The following TNFRSF14 variants were observed in gnomAD, a reference collection of about 807,000 sequenced individuals.
TNFRSF14 encodes tumor necrosis factor receptor superfamily member 14.
Under a neutral mutation model 34.1 loss-of-function variants are expected in TNFRSF14, and 18 were observed. The ratio of observed to expected loss-of-function variants is 0.53; its 90% CI spans 0.36 to 0.78. The LOEUF is 0.78. Among genes scored for constraint, TNFRSF14 ranks in the 30% least tolerant of loss-of-function variants. The pLI is 0.00. For synonymous variants in TNFRSF14, 157 were observed against 153.2 expected, an observed-to-expected ratio of 1.02 and a Z score of -0.18; for missense variants, 352 against 379.5, an observed-to-expected ratio of 0.93 and a Z score of 0.60.
upstream of TNFRSF14, chr1:2,554,803 T>C (rs1275037413): frequency 6.6e-6 from 1 of 152,212 alleles, no homozygotes; most frequent in Non-Finnish European, 1.5e-5. The surrounding 1 kb of genome is among the most constrained non-coding windows in gnomAD (Gnocchi z 4.2). Flanking sequence ...CTGGAGGACG[T>C]ATCTGAGAGA....
chr1:2,557,773 G>T lies in TNFRSF14; in HGVS notation c.117G>T (p.Leu39=). 1 of 1,611,878 alleles carries T rather than the reference G, an allele frequency of 6.2e-7. No homozygotes were observed. The change falls in exon 2 of 8, where the codon CTG becomes CTT. Residue 39 remains leucine (L), a synonymous_variant. Coordinates refer to ENST00000355716, the MANE Select transcript of TNFRSF14 (RefSeq NM_003820.4). ...FLGAPCYAPA[L]PSCKEDEYPV... is the part of the protein sequence containing the mutation. ...GAGCCCCCTGCTACGCCCCAGCTCT[G>T]CCGTCCTGCAAGGAGGACGAGTACC... is the stretch of plus-strand genomic sequence containing the variant.
rs1330914738 is a variant in TNFRSF14, at chr1:2,557,734, T to C, written c.78T>C (p.Tyr26=). Residue 26 remains tyrosine, a synonymous_variant, in exon 2 of 8, where the codon TAT becomes TAC. Coordinates refer to ENST00000355716, the MANE Select transcript of TNFRSF14 (RefSeq NM_003820.4). ...PKTDVLRLVL[Y]LTFLGAPCYA... ...TGTCCTGACCCCCTTAGGTGCTGTA[T>C]CTCACCTTCCTGGGAGCCCCCTGCT... 3 of 1,607,866 alleles carry C rather than the reference T, an allele frequency of 1.9e-6. No individual in the cohort carries two copies. Among genetic ancestry groups the C allele is most frequent in the Admixed American group, 1.7e-5 (1 of 59,318 alleles).
chr1:2,561,414 C>T lies in TNFRSF14; in HGVS notation c.552-259C>T. The stretch of plus-strand genomic sequence containing the variant: ...TGGCTGCCTCCCGCTTCTCTCCCCT[C>T]TCCCTCTGCCGTCCTGTCTCCTTTG... On this transcript the variant is annotated intron_variant, in intron 5 of 7. Transcript: ENST00000355716. This position sits in a 1 kb window ranked among gnomAD's most constrained non-coding sequence, Gnocchi z 6.0. The T allele has an allele frequency of 2.9e-6, 4 of 1,385,640 alleles. No homozygotes were observed. The highest frequency in any genetic ancestry group is 2.9e-6 in the Non-Finnish European group (3 of 1,035,138). 85.8% of individuals were successfully genotyped at this position (1,385,640 alleles called of 1,614,324 possible).
intron 4 of TNFRSF14, 24 bp from the exon 5 acceptor site, chr1:2,560,600 C>T (rs1557479855): frequency 6.2e-7 from 1 of 1,603,148 alleles, no homozygotes; most frequent in African/African-American, 1.3e-5. Flanking sequence ...CCTCAGCCCC[C>T]TCTGTCCGTC....
chr1:2,558,478 C>T lies in TNFRSF14; in HGVS notation c.304+10C>T, dbSNP rs1481683595. On this transcript the variant is annotated intron_variant, in intron 3 of 7. Coordinates refer to ENST00000355716, the MANE Select transcript of TNFRSF14 (RefSeq NM_003820.4). ...CAAATGTGTGACCCAGGTAAGAGGC[C>T]AGCACAGCCGGCCCAGCCTCCGCTT... is the stretch of plus-strand genomic sequence containing the variant. 6 of 1,612,442 alleles carry T rather than the reference C, an allele frequency of 3.7e-6. No individual in the cohort carries two copies. The highest frequency in any genetic ancestry group is 2.7e-5 in the African/African-American group (2 of 74,878).
intron 3 of TNFRSF14, chr1:2,559,064 GTGC>G: frequency 4.4e-6 from 6 of 1,369,460 alleles, no homozygotes; most frequent in Non-Finnish European, 4.8e-6. Flanking sequence ...AGCATGGCCA[GTGC>G]TCCCTGCGGC....
intron 2 of TNFRSF14, among the ~76,000 whole-genome samples, 180 bp downstream of exon 2, chr1:2,558,014 C>T (rs1644244259): frequency 6.6e-6 from 1 of 152,180 alleles, no homozygotes; most frequent in Admixed American, 6.5e-5. Context: ...ACTCTTCACC[C>T]TGGGGGACCC....
intron 2 of TNFRSF14, 35 bp from the exon 3 acceptor site, chr1:2,558,308 G>A (rs370159302): frequency 7.6e-6 from 12 of 1,579,218 alleles, no homozygotes; most frequent in South Asian, 2.3e-5. Flanking sequence ...GGGGCCTCCC[G>A]CAGACTTGCG....
At chr1:2,562,010 A>G (rs977267085) in intron 6 of TNFRSF14, 195 bp downstream of exon 6, 6 of 648,254 alleles carry the variant, frequency 9.3e-6, no homozygotes, top group African/African-American at 1.8e-5. Context: ...TCCCTGGGGG[A>G]AGGGAAGGTG....
chr1:2,561,452 T>C lies in TNFRSF14; in HGVS notation c.552-221T>C. 1 of 1,481,498 alleles carries C rather than the reference T, an allele frequency of 6.7e-7. No homozygotes were observed. The highest frequency in any genetic ancestry group is 9.0e-7 in the Non-Finnish European group (1 of 1,110,620). 91.8% of individuals were successfully genotyped at this position (1,481,498 alleles called of 1,614,324 possible). On this transcript the variant is annotated intron_variant, in intron 5 of 7. Coordinates refer to ENST00000355716, the MANE Select transcript of TNFRSF14 (RefSeq NM_003820.4). This position sits in a 1 kb window ranked among gnomAD's most constrained non-coding sequence, Gnocchi z 6.0. ...CCTGTCTCCTTTGCCCAGTCTCTCC[T>C]TGTTTCTCTTCTCCTCCTTCCTTCT...
chr1:2,561,654 C>T lies in TNFRSF14; in HGVS notation c.552-19C>T. 2 of 1,612,454 alleles carry T rather than the reference C, an allele frequency of 1.2e-6. No individual in the cohort carries two copies. The highest frequency in any genetic ancestry group is 2.2e-5 in the East Asian group (1 of 44,862). On this transcript the variant is annotated intron_variant, in intron 5 of 7. Coordinates refer to ENST00000355716, the MANE Select transcript of TNFRSF14 (RefSeq NM_003820.4). The surrounding 1 kb of genome is among the most constrained non-coding windows in gnomAD (Gnocchi z 6.0). Reference sequence around the variant, plus strand: ...GCGCTGCACCTGCCTCTCCCACGTCCTCGGCCCCACTCCCGCAGGTGCAGC... The same window carrying T: ...GCGCTGCACCTGCCTCTCCCACGTCTTCGGCCCCACTCCCGCAGGTGCAGC...
Position 2,561,459 on chromosome 1 carries a change from T to G in TNFRSF14, c.552-214T>G. Reference sequence around the variant, plus strand: ...CCTTTGCCCAGTCTCTCCTTGTTTCTCTTCTCCTCCTTCCTTCTCTCCACC... The same window carrying G: ...CCTTTGCCCAGTCTCTCCTTGTTTCGCTTCTCCTCCTTCCTTCTCTCCACC... On this transcript the variant is annotated intron_variant, in intron 5 of 7. Transcript: ENST00000355716. This position sits in a 1 kb window ranked among gnomAD's most constrained non-coding sequence, Gnocchi z 6.0. 6.7e-7 allele frequency: 1 copy of G among 1,486,422 alleles called. No individual in the cohort carries two copies. Among genetic ancestry groups the G allele is most frequent in the Non-Finnish European group, 9.0e-7 (1 of 1,113,402 alleles). The allele number at this position is 1,486,422 out of a possible 1,614,324, so 92.1% of individuals were successfully genotyped here.
At chr1:2,558,534 CCT>C in intron 3 of TNFRSF14, 66 bp downstream of exon 3, 1 of 1,595,614 alleles carries the variant, frequency 6.3e-7, no homozygotes, top group East Asian at 2.2e-5. Flanking sequence ...CACCCTGCAC[CCT>C]CTCTCCATGG....
chr1:2,555,024 A>G (rs959289534), upstream of TNFRSF14: 1 of 152,018 alleles, frequency 6.6e-6, no homozygotes, highest in African/African-American at 2.4e-5. The surrounding 1 kb of genome is among the most constrained non-coding windows in gnomAD (Gnocchi z 6.3). Flanking sequence ...CATTCCTGGC[A>G]GGGGGCGCTG....
At chr1:2,560,573 C>G in intron 4 of TNFRSF14, 51 bp from the exon 5 acceptor site, 1 of 1,449,564 alleles carries the variant, frequency 6.9e-7, no homozygotes. Flanking sequence ...GCCGCCAGCC[C>G]CCTCCTGGCC....
In TNFRSF14 at chr1:2,559,819, C is replaced by G. The variant is rs375375256; in HGVS notation, c.305-4C>G. ...CCCTCTCAGCCCCTCCTCTTGGACT[C>G]CAGCCATGGGCCTGCGCGCGAGCCG... On this transcript the variant is annotated splice_polypyrimidine_tract_variant and splice_region_variant and intron_variant, in intron 3 of 7. Transcript: ENST00000355716. The G allele has an allele frequency of 8.8e-5, 142 of 1,605,890 alleles. No homozygotes were observed. The Middle Eastern group carries it at 1.3e-3, about 15-fold the overall frequency.
In TNFRSF14 at chr1:2,561,174, G is replaced by T; in HGVS notation, c.551+460G>T. ...ACTTCAGAGCTTCTTGGGAGGAGCT[G>T]GGGTCCCCCAGCGGAGCCTGGGATG... On this transcript the variant is annotated intron_variant, in intron 5 of 7. Coordinates refer to ENST00000355716, the MANE Select transcript of TNFRSF14 (RefSeq NM_003820.4). This position sits in a 1 kb window ranked among gnomAD's most constrained non-coding sequence, Gnocchi z 6.0. 2.7e-6 allele frequency: 1 copy of T among 368,170 alleles called. No individual in the cohort carries two copies. The allele number at this position is 368,170 out of a possible 1,614,324, so 22.8% of individuals were successfully genotyped here.
At position 2,559,961 on chromosome 1, in the gene TNFRSF14, A is replaced by T. The variant is rs199898307; in HGVS notation, c.443A>T (p.Gln148Leu). The change falls in exon 4 of 8, where the codon CAG becomes CTG. Residue 148 changes from glutamine to leucine, a missense_variant. Coordinates refer to ENST00000355716, the MANE Select transcript of TNFRSF14 (RefSeq NM_003820.4). ...GCTTACGCCACCTCCAGCCCGGGCCAGAGGGTGCAGAAGGGAGGTAAGCGG... is the reference window on the plus strand; with the variant it reads ...GCTTACGCCACCTCCAGCCCGGGCCTGAGGGTGCAGAAGGGAGGTAAGCGG... ...CRAYATSSPG[Q>L]RVQKGGTESQ... The T allele has an allele frequency of 1.5e-5, 24 of 1,580,068 alleles. No homozygotes were observed. In the African/African-American group the frequency reaches 3.2e-4, roughly 21 times the overall value.
In TNFRSF14 at chr1:2,560,642, C is replaced by CAGGACA. The variant is rs761821318; in HGVS notation, c.479_480insAGGACA (p.Thr160_Leu161insGlyHis). ...TTCTCAGGCACCGAGAGTCAGGACA[C>CAGGACA]CCTGTGTCAGAACTGCCCCCCGGGG... On this transcript the variant is annotated inframe_insertion, in exon 5 of 8. Coordinates refer to ENST00000355716, the MANE Select transcript of TNFRSF14 (RefSeq NM_003820.4). The CAGGACA allele has an allele frequency of 3.1e-6, 5 of 1,613,482 alleles. No homozygotes were observed. Among genetic ancestry groups the CAGGACA allele is most frequent in the Non-Finnish European group, 4.2e-6 (5 of 1,179,916 alleles).
Sources: gnomAD v4.1 joint callset for allele counts (sites outside exome capture counted in the v4.1 genomes callset) on GRCh38, gnomAD v4.1.1 for gene constraint, Gnocchi (gnomAD v3.1) non-coding constraint, MANE v1.5 for transcripts, NCBI Gene and HGNC (gene_info 2026-07-23, HGNC 2026-07-21) for gene names.